The following LRP1B variants were observed in gnomAD, a reference collection of about 807,000 sequenced individuals.
The protein encoded by LRP1B is low-density lipoprotein receptor-related protein 1B.
In LRP1B, 217 loss-of-function variants were observed where a neutral mutation model predicts 556.6. That is an observed-to-expected ratio of 0.39 (90% CI 0.35 to 0.44). LRP1B has a LOEUF of 0.44. Ranked by LOEUF, LRP1B falls within the 20% of genes least tolerant of loss-of-function variation. LRP1B has a pLI of 1.00. For synonymous variants in LRP1B, 2,047 were observed against 1,865.8 expected (o/e 1.10, Z -2.50); for missense variants, 5,053 against 5,620.8 (o/e 0.90, Z 3.23).
At chr2:140,521,913 A>G (rs1179296025) in intron 49 of LRP1B, among the ~76,000 whole-genome samples, 1 of 152,046 alleles carries the variant, frequency 6.6e-6, no homozygotes, top group Admixed American at 6.6e-5. Flanking sequence ...CAACAGTAGA[A>G]AAAAATAAAG....
chr2:141,070,513 A>T (rs1054192387), intron 7 of LRP1B, among the ~76,000 whole-genome samples: 1 of 152,078 alleles, frequency 6.6e-6, no homozygotes, highest in African/African-American at 2.4e-5. Flanking sequence ...TCAGAACAGA[A>T]CTGAAGGAAA....
Position 140,370,753 on chromosome 2 carries a change from A to G in LRP1B, c.10965T>C (p.Ile3655=). Residue 3655 remains isoleucine (I), a synonymous_variant, in exon 71 of 91, where the codon ATT becomes ATC. Coordinates refer to ENST00000389484, the MANE Select transcript of LRP1B (RefSeq NM_018557.3). The part of the protein sequence containing the change: ...CIPIRWLCDG[I]HDCVDGSDEE... ...CATCACTGCCATCCACACAGTCATG[A>G]ATTCCATCACACAGCCATCTAATTG... 2.5e-6 allele frequency: 4 copies of G among 1,612,962 alleles called. No individual in the cohort carries two copies. Among genetic ancestry groups the G allele is most frequent in the Non-Finnish European group, 3.4e-6 (4 of 1,179,230 alleles).
intron 32 of LRP1B, among the ~76,000 whole-genome samples, chr2:140,786,845 G>A (rs972135862): frequency 3.9e-5 from 6 of 152,172 alleles, no homozygotes; most frequent in African/African-American, 1.4e-4. Flanking sequence ...CAAGCTGATG[G>A]CTTGACTGTT....
At chr2:140,567,855 A>T (rs1681181981) in intron 43 of LRP1B, among the ~76,000 whole-genome samples, 1 of 152,194 alleles carries the variant, frequency 6.6e-6, no homozygotes, top group East Asian at 1.9e-4. Flanking sequence ...AGACACTCAT[A>T]GTTATTACTG....
intron 1 of LRP1B, among the ~76,000 whole-genome samples, chr2:142,037,753 A>G (rs736602): frequency 0.24 from 36,975 of 151,516 alleles, 4,931 homozygotes; most frequent in South Asian, 0.46. Flanking sequence ...AGAGGCTTCA[A>G]TGATGTATTT....
intron 1 of LRP1B, among the ~76,000 whole-genome samples, chr2:142,027,343 A>C (rs2105188402): frequency 6.6e-6 from 1 of 151,856 alleles, no homozygotes; most frequent in African/African-American, 2.4e-5. Context: ...TAGGTTAAGA[A>C]GTGAGTAGCA....
At chr2:140,380,352 A>G (rs1683416767) in intron 67 of LRP1B, among the ~76,000 whole-genome samples, 1 of 152,178 alleles carries the variant, frequency 6.6e-6, no homozygotes, top group African/African-American at 2.4e-5. Context: ...CTGGGAAGCC[A>G]AGTTACTTAT....
intron 3 of LRP1B, among the ~76,000 whole-genome samples, chr2:141,420,245 T>A (rs536512554): frequency 6.6e-6 from 1 of 152,324 alleles, no homozygotes; most frequent in Admixed American, 6.5e-5. Context: ...GTTGACCATT[T>A]TATAATTATA....
intron 2 of LRP1B, among the ~76,000 whole-genome samples, chr2:141,520,735 A>T (rs56146396): frequency 0.31 from 47,640 of 151,964 alleles, 8,381 homozygotes; most frequent in Non-Finnish European, 0.4. Flanking sequence ...CACAAAAAAA[A>T]GTGGAAGTAT....
In LRP1B at chr2:140,796,476, A is replaced by G. The variant is rs564284714; in HGVS notation, c.5359+17181T>C. ...TTGGAGATTTCACATAGTACTTTTC[A>G]TGTAAATTTTGATAGGCAATTACTT... is the stretch of plus-strand genomic sequence containing the variant. On this transcript the variant is annotated intron_variant, in intron 32 of 90. Coordinates refer to ENST00000389484, the MANE Select transcript of LRP1B (RefSeq NM_018557.3). Among the ~76,000 whole-genome samples, 9 of 152,208 alleles carry G rather than the reference A, an allele frequency of 5.9e-5. No homozygotes were observed. In the East Asian group the frequency reaches 1.2e-3, roughly 20 times the overall value.
intron 18 of LRP1B, among the ~76,000 whole-genome samples, chr2:140,953,463 AC>A (rs1295214471): frequency 6.6e-6 from 1 of 152,150 alleles, no homozygotes; most frequent in African/African-American, 2.4e-5. Context: ...TCCATTTAAG[AC>A]CACTGACACA....
intron 1 of LRP1B, among the ~76,000 whole-genome samples, chr2:142,053,566 T>C (rs1406087998): frequency 6.6e-6 from 1 of 152,098 alleles, no homozygotes; most frequent in Non-Finnish European, 1.5e-5. Flanking sequence ...AAGCACAACA[T>C]TTACTTCACC....
At chr2:141,761,510 T>C (rs1245128462) in intron 2 of LRP1B, among the ~76,000 whole-genome samples, 1 of 152,194 alleles carries the variant, frequency 6.6e-6, no homozygotes, top group Non-Finnish European at 1.5e-5. Flanking sequence ...ATTAAAAATT[T>C]GCTTAAAAAT....
chr2:140,674,988 G>A (rs920482814), intron 41 of LRP1B, among the ~76,000 whole-genome samples: 1 of 152,206 alleles, frequency 6.6e-6, no homozygotes, highest in African/African-American at 2.4e-5. Context: ...CTCTGGGAGA[G>A]GATCTGCTGT....
At chr2:141,091,654 G>T (rs1190216001) in intron 7 of LRP1B, among the ~76,000 whole-genome samples, 1 of 152,184 alleles carries the variant, frequency 6.6e-6, no homozygotes, top group Non-Finnish European at 1.5e-5. Flanking sequence ...CTTGGGCCCT[G>T]AGCTGCTGGG....
At chr2:141,431,046 G>A (rs552031416) in intron 3 of LRP1B, among the ~76,000 whole-genome samples, 31 of 152,002 alleles carry the variant, frequency 2.0e-4, no homozygotes, top group Non-Finnish European at 3.7e-4. Flanking sequence ...TAAGGTAGGA[G>A]TACTGCTTGA....
chr2:141,237,281 G>T (rs1207965597), intron 5 of LRP1B, among the ~76,000 whole-genome samples: 1 of 151,406 alleles, frequency 6.6e-6, no homozygotes, highest in African/African-American at 2.4e-5. Flanking sequence ...AGAAGATGAT[G>T]ATTTCAGTGT....
intron 2 of LRP1B, among the ~76,000 whole-genome samples, chr2:141,803,791 G>C (rs1267578062): frequency 6.6e-6 from 1 of 152,016 alleles, no homozygotes; most frequent in Non-Finnish European, 1.5e-5. Flanking sequence ...TTATTTCTCT[G>C]ACCTATGTCA....
intron 41 of LRP1B, among the ~76,000 whole-genome samples, chr2:140,620,503 G>A (rs1683412003): frequency 6.6e-6 from 1 of 152,108 alleles, no homozygotes; most frequent in Non-Finnish European, 1.5e-5. Context: ...TGGAAAGTAT[G>A]CATTAATCTA....
Sources: gnomAD v4.1 joint callset for allele counts (sites outside exome capture counted in the v4.1 genomes callset) on GRCh38, gnomAD v4.1.1 for gene constraint, MANE v1.5 for transcripts, NCBI Gene and HGNC (gene_info 2026-07-23, HGNC 2026-07-21) for gene names.